The following GJA3 variants were observed in gnomAD, a reference collection of about 807,000 sequenced individuals.
The protein encoded by GJA3 is gap junction alpha-3 protein.
For missense variants in GJA3, 571 were observed against 620.3 expected (o/e 0.92, Z 0.84); for synonymous variants, 297 against 292.6 (o/e 1.02, Z -0.15).
rs1433936307 is a variant in GJA3 at position 20,144,276 on chromosome 13, G to T, written c.-17-971C>A. ...TGGGGGCAGAGGAAGCACTTGGGGT[G>T]AACCGAGCTTGAGGATCCTGTGAGG... On this transcript the variant is annotated intron_variant, in intron 1 of 1. Transcript: ENST00000241125. Among the ~76,000 whole-genome samples the T allele has an allele frequency of 3.3e-5, 5 of 152,354 alleles. No individual in the cohort carries two copies. The East Asian group carries it at 9.6e-4, about 29-fold the overall frequency.
chr13:20,146,498 A>G (rs750373830), intron 1 of GJA3, among the ~76,000 whole-genome samples: 3 of 152,230 alleles, frequency 2.0e-5, no homozygotes, highest in Non-Finnish European at 2.9e-5. Flanking sequence ...ACTGGAATAT[A>G]TGCCCTTGGA....
Position 20,143,174 on chromosome 13 carries a change from C to T in GJA3, c.115G>A (p.Ala39Thr), listed in dbSNP as rs767901204. Reference sequence around the variant, plus strand: ...TCGCCCCACACGTCCTCCGCCGCGGCCCCCAGCACCAAGATGCGGAAGATG... The same window carrying T: ...TCGCCCCACACGTCCTCCGCCGCGGTCCCCAGCACCAAGATGCGGAAGATG... Reference protein sequence around the residue: ...LFIFRILVLGAAAEDVWGDEQ... With the variant: ...LFIFRILVLGTAAEDVWGDEQ... Residue 39 changes from alanine to threonine, a missense_variant, in exon 2 of 2, where the codon GCC (alanine) becomes ACC (threonine). Ala to Thr is a moderately conservative substitution (Grantham distance 58). Transcript: ENST00000241125. 4.4e-6 allele frequency: 7 copies of T among 1,602,512 alleles called. No individual in the cohort carries two copies. The highest frequency in any genetic ancestry group is 3.4e-5 in the Admixed American group (2 of 59,598).
At chr13:20,152,687 A>T (rs1958885840) in intron 1 of GJA3, among the ~76,000 whole-genome samples, 1 of 152,226 alleles carries the variant, frequency 6.6e-6, no homozygotes, top group Non-Finnish European at 1.5e-5. Context: ...GTCTATACTG[A>T]CAATTTACAA....
intron 1 of GJA3, among the ~76,000 whole-genome samples, chr13:20,157,460 T>C (rs1958912743): frequency 6.6e-6 from 1 of 152,194 alleles, no homozygotes; most frequent in South Asian, 2.1e-4. Flanking sequence ...GGATGAACCT[T>C]AGAAGTGGTC....
chr13:20,140,358 T>C lies in GJA3; in HGVS notation c.*1623A>G, dbSNP rs1958800197. On this transcript the variant is annotated 3_prime_UTR_variant, in exon 2 of 2. Coordinates refer to ENST00000241125, the MANE Select transcript of GJA3 (RefSeq NM_021954.4). ...ATGCAAGAATCTGAGACTTGGAAAT[T>C]GCATTCCTTTCATCAGATTGTTAGT... The C allele has an allele frequency of 6.6e-6, 1 of 152,218 alleles. No individual in the cohort carries two copies. The highest frequency in any genetic ancestry group is 2.1e-4 in the South Asian group (1 of 4,828). The allele number at this position is 152,218 out of a possible 1,614,324, so 9.4% of individuals were successfully genotyped here. A position where few individuals can be genotyped will look rare whatever the true frequency, so the allele number is the denominator to read the frequency against.
intron 1 of GJA3, among the ~76,000 whole-genome samples, chr13:20,149,314 G>A (rs1347132742): frequency 6.6e-6 from 1 of 152,018 alleles, no homozygotes; most frequent in Admixed American, 6.6e-5. Context: ...GCAACATAGC[G>A]AGACTTCCTC....
Position 20,142,336 on chromosome 13 carries a change from T to C in GJA3, c.953A>G (p.His318Arg), listed in dbSNP as rs1240989603. Residue 318 changes from histidine (H) to arginine (R), a missense_variant, in exon 2 of 2, where the codon CAC (histidine) becomes CGC (arginine). Physicochemically the swap from His to Arg is conservative, Grantham distance 29 (BLOSUM62 0). Coordinates refer to ENST00000241125, the MANE Select transcript of GJA3 (RefSeq NM_021954.4). Reference protein sequence around the residue: ...KGQSAKLYNGHHHLLMTEQNW... With the variant: ...KGQSAKLYNGRHHLLMTEQNW... ...CTGCTCAGTCATCAGCAGGTGGTGG[T>C]GGCCGTTGTAGAGCTTGGCGGACTG... is the stretch of plus-strand genomic sequence containing the variant. 6.4e-6 allele frequency: 10 copies of C among 1,566,290 alleles called. No homozygotes were observed. The highest frequency in any genetic ancestry group is 8.6e-6 in the Non-Finnish European group (10 of 1,156,912).
intron 1 of GJA3, among the ~76,000 whole-genome samples, chr13:20,151,497 C>T (rs7319745): frequency 0.43 from 64,950 of 151,922 alleles, 14,244 homozygotes; most frequent in African/African-American, 0.53. Flanking sequence ...TCACACAACA[C>T]GAGAGAAGTT....
intron 1 of GJA3, among the ~76,000 whole-genome samples, chr13:20,146,767 A>G (rs1360098975): frequency 6.6e-6 from 1 of 152,252 alleles, no homozygotes; most frequent in African/African-American, 2.4e-5. Flanking sequence ...ACATCCTACT[A>G]AGGAAATAAT....
At position 20,140,090 on chromosome 13, in the gene GJA3, C is replaced by T. The variant is rs918068299; in HGVS notation, c.*1891G>A. 3.3e-5 allele frequency: 5 copies of T among 152,040 alleles called. No homozygotes were observed. Among genetic ancestry groups the T allele is most frequent in the African/African-American group, 9.7e-5 (4 of 41,388 alleles). The allele number at this position is 152,040 out of a possible 1,614,324, so 9.4% of individuals were successfully genotyped here. On this transcript the variant is annotated 3_prime_UTR_variant, in exon 2 of 2. Coordinates refer to ENST00000241125, the MANE Select transcript of GJA3 (RefSeq NM_021954.4). Reference sequence around the variant, plus strand: ...TACACTGCATGTAATGAGTGAACTTCGGAGAGAAGTTATGCATCTAGAATG... The same window carrying T: ...TACACTGCATGTAATGAGTGAACTTTGGAGAGAAGTTATGCATCTAGAATG...
chr13:20,157,510 CT>C (rs34893301), intron 1 of GJA3, among the ~76,000 whole-genome samples: 41,082 of 152,078 alleles, frequency 0.27, 6,998 homozygotes, highest in Non-Finnish European at 0.38. Flanking sequence ...GAAATGGCAG[CT>C]CAGAGAGGGT....
intron 1 of GJA3, among the ~76,000 whole-genome samples, chr13:20,145,053 T>C (rs1161080591): frequency 1.3e-5 from 2 of 151,952 alleles, no homozygotes; most frequent in East Asian, 1.9e-4. Context: ...TGGTGGAGGG[T>C]GCCTGTAGTC....
At chr13:20,149,450 G>A (rs908361876) in intron 1 of GJA3, among the ~76,000 whole-genome samples, 7 of 151,970 alleles carry the variant, frequency 4.6e-5, no homozygotes, top group African/African-American at 1.7e-4. Context: ...GTGCCACTGC[G>A]TTCCAGTCTG....
rs543694585 is a variant in GJA3 at position 20,152,879 on chromosome 13, AG to A, written c.-18+8010del. Among the ~76,000 whole-genome samples the A allele has an allele frequency of 1.8e-3, 273 of 152,348 alleles. 1 individual carries two copies. Among genetic ancestry groups the A allele is most frequent in the Middle Eastern group, 0.01 (3 of 294 alleles). ...ATTAATGTCTGTGAGGGTTTGGTAC[AG>A]GGCAATGGTGGTTCAGATGCTCATT... On this transcript the variant is annotated intron_variant, in intron 1 of 1. Coordinates refer to ENST00000241125, the MANE Select transcript of GJA3 (RefSeq NM_021954.4).
In GJA3 at chr13:20,159,037, AT is replaced by A. The variant is rs559054987; in HGVS notation, c.-18+1852del. On this transcript the variant is annotated intron_variant, in intron 1 of 1. Coordinates refer to ENST00000241125, the MANE Select transcript of GJA3 (RefSeq NM_021954.4). Reference sequence around the variant, plus strand: ...ATGAAAATTAAGATGAAACTTTATTATTTTTATTGCCTTTAAGCATTATACA... The same window carrying A: ...ATGAAAATTAAGATGAAACTTTATTATTTTATTGCCTTTAAGCATTATACA... 2.9e-3 allele frequency among the ~76,000 whole-genome samples: 434 copies of A among 151,956 alleles called. 2 individuals are homozygous for A. The highest frequency in any genetic ancestry group is 0.01 in the African/African-American group (416 of 41,468).
At chr13:20,146,471 C>A (rs527968010) in intron 1 of GJA3, among the ~76,000 whole-genome samples, 16 of 152,222 alleles carry the variant, frequency 1.1e-4, no homozygotes, top group African/African-American at 3.6e-4. Context: ...ATCCTTTAGG[C>A]CCAGGGGCTG....
intron 1 of GJA3, among the ~76,000 whole-genome samples, chr13:20,143,603 A>G (rs190424335): frequency 1.8e-4 from 28 of 152,318 alleles, no homozygotes; most frequent in African/African-American, 6.7e-4. Flanking sequence ...GGCTGACCCT[A>G]CAGGAGCTCT....
In GJA3 at chr13:20,142,112, C is replaced by T. The variant is rs1958810959; in HGVS notation, c.1177G>A (p.Glu393Lys). 6 of 1,546,338 alleles carry T rather than the reference C, an allele frequency of 3.9e-6. No homozygotes were observed. The highest frequency in any genetic ancestry group is 5.2e-6 in the Non-Finnish European group (6 of 1,145,722). ...GCGGTGGTCACGGCCTGCTCCTCCTCCTCGGGGGTCCCTGCCAGGGCGCTC... is the reference window on the plus strand; with the variant it reads ...GCGGTGGTCACGGCCTGCTCCTCCTTCTCGGGGGTCCCTGCCAGGGCGCTC... Reference protein sequence around the residue: ...EGSALAGTPEEEEQAVTTAAQ... With the variant: ...EGSALAGTPEKEEQAVTTAAQ... The change falls in exon 2 of 2, where the codon GAG becomes AAG. Residue 393 changes from glutamate to lysine, a missense_variant. Physicochemically the swap from Glu to Lys is moderately conservative, Grantham distance 56 (BLOSUM62 1). Transcript: ENST00000241125.
chr13:20,150,142 C>T (rs1321900558), intron 1 of GJA3, among the ~76,000 whole-genome samples: 5 of 152,144 alleles, frequency 3.3e-5, no homozygotes, highest in Non-Finnish European at 7.3e-5. Context: ...AAAATGATGG[C>T]ACCGTTTAAA....
Sources: allele counts gnomAD v4.1 joint callset (sites outside exome capture counted in the v4.1 genomes callset), GRCh38; gene constraint gnomAD v4.1.1; transcripts MANE v1.5; gene names NCBI Gene and HGNC (gene_info 2026-07-23, HGNC 2026-07-21).